Variants in BCKDHB observed in about 807,000 individuals in gnomAD.
BCKDHB encodes branched chain keto acid dehydrogenase E1 subunit beta, also known as 2-oxoisovalerate dehydrogenase subunit beta, mitochondrial.
In BCKDHB, 41 loss-of-function variants were observed where a neutral mutation model predicts 48.5. The observed-to-expected ratio is 0.85, with a 90% CI of 0.66 to 1.10. BCKDHB has a LOEUF of 1.10. BCKDHB is among the 50% of genes least tolerant of loss of function. BCKDHB has a pLI of 0.00. For synonymous variants in BCKDHB, 201 were observed against 174.8 expected (o/e 1.15, Z -1.18); for missense variants, 496 against 494.2 (o/e 1.00, Z -0.03).
chr6:80,400,305 T>A, the BCKDHB span, among the ~76,000 whole-genome samples: 351 of 151,804 alleles, frequency 2.3e-3, 2 homozygotes, highest in African/African-American at 7.8e-3. Context: ...TGGGAGAAAA[T>A]TTTTGCGTAC....
chr6:80,389,036 T>C, the BCKDHB span, among the ~76,000 whole-genome samples: 1 of 152,062 alleles, frequency 6.6e-6, no homozygotes, highest in Non-Finnish European at 1.5e-5. Flanking sequence ...ACAAAGAAAT[T>C]TGGGGAAGAG....
At chr6:80,263,027 G>A (rs1777369146) in intron 8 of BCKDHB, among the ~76,000 whole-genome samples, 1 of 152,118 alleles carries the variant, frequency 6.6e-6, no homozygotes, top group Non-Finnish European at 1.5e-5. Flanking sequence ...CTGAACAAAA[G>A]GATTTAAACC....
At chr6:80,466,648 A>G in the BCKDHB span, among the ~76,000 whole-genome samples, 8 of 152,176 alleles carry the variant, frequency 5.3e-5, no homozygotes, top group African/African-American at 1.7e-4. Context: ...TTTGTCAACC[A>G]TTCCCCAATA....
chr6:80,170,173 G>C (rs889041414), intron 5 of BCKDHB, among the ~76,000 whole-genome samples: 8 of 151,948 alleles, frequency 5.3e-5, no homozygotes, highest in Admixed American at 1.3e-4. Context: ...TTATTAATGT[G>C]TTCAGAGGTC....
chr6:80,204,477 G>A (rs974422325), intron 8 of BCKDHB, among the ~76,000 whole-genome samples: 2 of 151,962 alleles, frequency 1.3e-5, no homozygotes, highest in East Asian at 3.9e-4. Flanking sequence ...ATAGCCAGAC[G>A]TTCCAAATTA....
At chr6:80,461,076 A>G in the BCKDHB span, among the ~76,000 whole-genome samples, 1 of 152,188 alleles carries the variant, frequency 6.6e-6, no homozygotes, top group Non-Finnish European at 1.5e-5. Context: ...TATGAGATCA[A>G]CTACTACATA....
At chr6:80,186,307 A>G (rs1238565889) in intron 6 of BCKDHB, among the ~76,000 whole-genome samples, 1 of 152,146 alleles carries the variant, frequency 6.6e-6, no homozygotes, top group East Asian at 1.9e-4. Context: ...GGGGCATTAC[A>G]GCTGCCTCTG....
intron 9 of BCKDHB, among the ~76,000 whole-genome samples, chr6:80,296,068 CT>C (rs1767224440): frequency 6.6e-6 from 1 of 152,176 alleles, no homozygotes; most frequent in African/African-American, 2.4e-5. Flanking sequence ...CTTTAGTGTT[CT>C]ATTAGTTCAG....
At chr6:80,462,807 A>G in the BCKDHB span, 1 of 152,188 alleles carries the variant, frequency 6.6e-6, no homozygotes, top group East Asian at 1.9e-4. Context: ...ACAGAGTGCC[A>G]AGAGGACTTG....
chr6:80,140,901 C>T lies in BCKDHB; in HGVS notation c.343+11672C>T, dbSNP rs554475687. 1.7e-3 allele frequency among the ~76,000 whole-genome samples: 263 copies of T among 152,246 alleles called. 1 individual carries two copies. Among genetic ancestry groups the T allele is most frequent in the African/African-American group, 6.0e-3 (249 of 41,540 alleles). ...ATGGTACCAGTTCCTCCTTGTACCT[C>T]TGGTAGAATTCGGCTGTGAATCCAT... On this transcript the variant is annotated intron_variant, in intron 3 of 9. Transcript: ENST00000320393.
the BCKDHB span, among the ~76,000 whole-genome samples, chr6:80,421,497 C>A: frequency 3.9e-5 from 6 of 152,048 alleles, no homozygotes; most frequent in African/African-American, 1.4e-4. Context: ...ACAATCTTGA[C>A]GGCTCAGAAA....
At chr6:80,108,813 T>C (rs530667120) in intron 1 of BCKDHB, among the ~76,000 whole-genome samples, 4 of 152,258 alleles carry the variant, frequency 2.6e-5, no homozygotes, top group African/African-American at 7.2e-5. Flanking sequence ...TGAGCTGATA[T>C]CGTGCCACTG....
chr6:80,318,803 ATAT>A (rs1768572650), intron 9 of BCKDHB, among the ~76,000 whole-genome samples: 1 of 151,876 alleles, frequency 6.6e-6, no homozygotes, highest in Admixed American at 6.6e-5. Flanking sequence ...CATTTACATC[ATAT>A]TATGTATTGT....
At chr6:80,432,990 G>A in the BCKDHB span, among the ~76,000 whole-genome samples, 4 of 152,256 alleles carry the variant, frequency 2.6e-5, no homozygotes, top group South Asian at 8.3e-4. Context: ...CACCAGTGGA[G>A]GCTGCAGAAC....
At chr6:80,171,677 A>G (rs1227276703) in intron 6 of BCKDHB, among the ~76,000 whole-genome samples, 1 of 152,148 alleles carries the variant, frequency 6.6e-6, no homozygotes, top group Non-Finnish European at 1.5e-5. Context: ...GTAAATATGG[A>G]TTGAACAGAA....
At chr6:80,212,157 A>T (rs1457168118) in intron 8 of BCKDHB, among the ~76,000 whole-genome samples, 1 of 152,088 alleles carries the variant, frequency 6.6e-6, no homozygotes, top group Non-Finnish European at 1.5e-5. Flanking sequence ...AACAACAGAA[A>T]ACGGGGTTCA....
the BCKDHB span, among the ~76,000 whole-genome samples, chr6:80,403,917 G>T: frequency 6.6e-6 from 1 of 151,846 alleles, no homozygotes; most frequent in Non-Finnish European, 1.5e-5. Flanking sequence ...TTGCATCTGG[G>T]GGATAAATGC....
At chr6:80,128,698 C>G (rs990565273) in intron 2 of BCKDHB, among the ~76,000 whole-genome samples, 2 of 152,128 alleles carry the variant, frequency 1.3e-5, no homozygotes, top group African/African-American at 4.8e-5. Flanking sequence ...CTGCCTCTAG[C>G]TTTCTGACTT....
At chr6:80,348,606 C>T (rs560375041), downstream of BCKDHB, among the ~76,000 whole-genome samples, 7 of 152,266 alleles carry the variant, frequency 4.6e-5, no homozygotes, top group South Asian at 1.0e-3. Context: ...TCAGCCTTGT[C>T]GATGACACTG....
Sources: allele counts gnomAD v4.1 joint callset (sites outside exome capture counted in the v4.1 genomes callset), GRCh38; gene constraint gnomAD v4.1.1; transcripts MANE v1.5; gene names NCBI Gene and HGNC (gene_info 2026-07-23, HGNC 2026-07-21).